Variants in HDAC9 observed in about 807,000 individuals in gnomAD.
HDAC9 encodes MEF-2 interacting transcription repressor (MITR) protein.
Under a neutral mutation model 139.4 loss-of-function variants are expected in HDAC9, and 41 were observed. The ratio of observed to expected loss-of-function variants is 0.29; its 90% CI spans 0.23 to 0.38. The LOEUF is 0.38. Ranked by LOEUF, HDAC9 falls within the 10% of genes least tolerant of loss-of-function variation. The pLI is 1.00. For missense variants in HDAC9, 1,147 were observed against 1,297.0 expected, an observed-to-expected ratio of 0.88 and a Z score of 1.78; for synonymous variants, 517 against 476.2, an observed-to-expected ratio of 1.09 and a Z score of -1.12.
intron 1 of HDAC9, among the ~76,000 whole-genome samples, chr7:18,468,901 A>G (rs369621634): frequency 5.9e-5 from 9 of 152,324 alleles, no homozygotes; most frequent in Admixed American, 2.0e-4. Flanking sequence ...ACAAAAATCA[A>G]TTTAAAAGAT....
intron 17 of HDAC9, among the ~76,000 whole-genome samples, chr7:18,799,090 C>T (rs925563046): frequency 1.4e-5 from 2 of 146,132 alleles, no homozygotes; most frequent in Non-Finnish European, 3.0e-5. Flanking sequence ...CACACACACA[C>T]ACACAGAGCC....
At chr7:18,165,608 G>GA (rs1787952742) in intron 2 of HDAC9, among the ~76,000 whole-genome samples, 1 of 151,894 alleles carries the variant, frequency 6.6e-6, no homozygotes, top group African/African-American at 2.4e-5. Context: ...GCAATATGGT[G>GA]AGATCCTATC....
In HDAC9 at chr7:18,325,768, T is replaced by A. The variant is rs188735758; in HGVS notation, c.-42+35253T>A. Among the ~76,000 whole-genome samples the A allele has an allele frequency of 2.6e-3, 389 of 152,272 alleles. 1 individual carries two copies. Among genetic ancestry groups the A allele is most frequent in the Non-Finnish European group, 4.7e-3 (322 of 68,024 alleles). Reference sequence around the variant, plus strand: ...ATAGACCATATATATGATTATAATATCATGTTTTTAAAGTACCTTTTCTAT... The same window carrying A: ...ATAGACCATATATATGATTATAATAACATGTTTTTAAAGTACCTTTTCTAT... On this transcript the variant is annotated intron_variant, in intron 1 of 3. Coordinates refer to the HDAC9 transcript ENST00000413509.
intron 1 of HDAC9, among the ~76,000 whole-genome samples, chr7:18,158,964 C>T (rs762420888): frequency 6.6e-6 from 1 of 152,156 alleles, no homozygotes; most frequent in Non-Finnish European, 1.5e-5. Flanking sequence ...AAATTGTAGT[C>T]AGAGATGATC....
chr7:18,995,392 C>A (rs1786382556), intron 25 of HDAC9, among the ~76,000 whole-genome samples: 1 of 152,212 alleles, frequency 6.6e-6, no homozygotes, highest in Non-Finnish European at 1.5e-5. Context: ...AAGGTTAAAT[C>A]TCAAGTATAA....
At chr7:18,783,598 C>A (rs962483405) in intron 16 of HDAC9, among the ~76,000 whole-genome samples, 4 of 151,774 alleles carry the variant, frequency 2.6e-5, no homozygotes, top group Admixed American at 2.6e-4. Flanking sequence ...CCCTGAGAAA[C>A]CTCCTTGAAT....
intron 1 of HDAC9, among the ~76,000 whole-genome samples, chr7:18,408,598 G>T (rs893362965): frequency 2.2e-4 from 34 of 152,148 alleles, no homozygotes; most frequent in Middle Eastern, 3.2e-3. Context: ...GGCTGGGACT[G>T]AGACCAAGGA....
In HDAC9 at chr7:18,666,242, G is replaced by T. The variant is rs1794829943; in HGVS notation, c.1497G>T (p.Lys499Asn). The change falls in exon 12 of 26, where the codon AAG becomes AAT. Residue 499 changes from lysine (K) to asparagine (N), a missense_variant. Coordinates refer to ENST00000686413, the MANE Select transcript of HDAC9 (RefSeq NM_178425.4). ...TTTCGAAATCTATTGAACAACTGAA[G>T]CAACCAGGCAGTCACCTTGAGGAAG... ...KLLSKSIEQL[K>N]QPGSHLEEAE... The T allele has an allele frequency of 9.9e-6, 16 of 1,612,956 alleles. No homozygotes were observed. The highest frequency in any genetic ancestry group is 1.4e-5 in the Non-Finnish European group (16 of 1,179,268).
At chr7:18,272,321 G>A (rs541899514) in intron 2 of HDAC9, among the ~76,000 whole-genome samples, 2 of 152,230 alleles carry the variant, frequency 1.3e-5, no homozygotes, top group Admixed American at 1.3e-4. Flanking sequence ...ACTCTTTCTT[G>A]ACGGGGGCAT....
At chr7:18,626,985 T>C (rs1841886456) in intron 6 of HDAC9, among the ~76,000 whole-genome samples, 1 of 152,186 alleles carries the variant, frequency 6.6e-6, no homozygotes, top group South Asian at 2.1e-4. Flanking sequence ...CCCTCTTAGC[T>C]GTATAACTAG....
intron 22 of HDAC9, among the ~76,000 whole-genome samples, chr7:18,922,091 G>C (rs1284614523): frequency 8.5e-6 from 1 of 118,226 alleles, no homozygotes; most frequent in Non-Finnish European, 1.7e-5. Context: ...GGTGGGGGGA[G>C]GGGGGAAGGA....
chr7:18,116,635 TAAA>T (rs975384061), intron 1 of HDAC9, among the ~76,000 whole-genome samples: 20 of 152,118 alleles, frequency 1.3e-4, no homozygotes, highest in Non-Finnish European at 7.4e-5. Context: ...AATAAAATAA[TAAA>T]AATTTATTTT....
intron 1 of HDAC9, among the ~76,000 whole-genome samples, chr7:18,092,484 TC>T (rs1782234890): frequency 6.6e-6 from 1 of 151,518 alleles, no homozygotes; most frequent in Non-Finnish European, 1.5e-5. Flanking sequence ...AGGCTCCAAA[TC>T]CCTCTGCAGA....
chr7:18,438,895 C>T (rs1267036084), intron 1 of HDAC9, among the ~76,000 whole-genome samples: 1 of 152,112 alleles, frequency 6.6e-6, no homozygotes, highest in Non-Finnish European at 1.5e-5. Flanking sequence ...TATAAATTAT[C>T]TTTGCCTGCA....
chr7:18,523,349 C>T (rs1323878266), intron 2 of HDAC9, among the ~76,000 whole-genome samples: 2 of 152,102 alleles, frequency 1.3e-5, no homozygotes, highest in Non-Finnish European at 2.9e-5. Flanking sequence ...TAGAAGTGCC[C>T]AGCAAGGAAT....
intron 2 of HDAC9, among the ~76,000 whole-genome samples, chr7:18,276,150 G>C (rs1055416924): frequency 1.3e-5 from 2 of 152,168 alleles, no homozygotes; most frequent in Non-Finnish European, 2.9e-5. Context: ...TGCAATCATA[G>C]TATACATTTT....
intron 1 of HDAC9, among the ~76,000 whole-genome samples, chr7:18,486,059 G>A (rs986399448): frequency 1.3e-5 from 2 of 152,110 alleles, no homozygotes; most frequent in African/African-American, 4.8e-5. Flanking sequence ...TCATCCCGTG[G>A]TGGAAGGCAG....
chr7:18,311,059 ATAT>A (rs1477450718), intron 1 of HDAC9, among the ~76,000 whole-genome samples: 2 of 151,570 alleles, frequency 1.3e-5, no homozygotes, highest in African/African-American at 4.8e-5. Context: ...TTTTATATTG[ATAT>A]TATTTGTTTA....
At chr7:18,869,147 G>GGTGTGT (rs58034239) in intron 21 of HDAC9, among the ~76,000 whole-genome samples, 1,982 of 138,190 alleles carry the variant, frequency 0.014, 33 homozygotes, top group African/African-American at 0.041. Flanking sequence ...TCACAATTGG[G>GGTGTGT]GTGTGTGTGT....
Sources: gnomAD v4.1 joint callset for allele counts (sites outside exome capture counted in the v4.1 genomes callset) on GRCh38, gnomAD v4.1.1 for gene constraint, MANE v1.5 for transcripts, NCBI Gene and HGNC (gene_info 2026-07-23, HGNC 2026-07-21) for gene names.